HSPG2: variants seen among roughly 807,000 people sequenced by gnomAD.
HSPG2 encodes the protein heparan sulfate proteoglycan 2.
Under a neutral mutation model 526.6 loss-of-function variants are expected in HSPG2, and 278 were observed. That is an observed-to-expected ratio of 0.53 (90% CI 0.48 to 0.58). The LOEUF (loss-of-function observed/expected upper bound fraction) is 0.58. HSPG2 is among the 20% of genes least tolerant of loss of function. The pLI, the probability that HSPG2 is intolerant of heterozygous loss-of-function variation, is 0.00. For missense variants in HSPG2, 5,354 were observed against 6,099.5 expected, an observed-to-expected ratio of 0.88 and a Z score of 4.07; for synonymous variants, 2,465 against 2,555.4, an observed-to-expected ratio of 0.96 and a Z score of 1.07.
chr1:21,843,588 C>G, intron 65 of HSPG2, 150 bp from the exon 66 acceptor site: 1 of 758,224 alleles, frequency 1.3e-6, no homozygotes, highest in South Asian at 1.9e-5. Context: ...TTGTGGAGGG[C>G]ATGTTTATTA....
rs748304855 is a variant in HSPG2 at position 21,875,743 on chromosome 1, G to A, written c.3188C>T (p.Ala1063Val). 1.9e-6 allele frequency: 3 copies of A among 1,605,696 alleles called. No homozygotes were observed. The highest frequency in any genetic ancestry group is 2.2e-5 in the South Asian group (2 of 91,088). The change falls in exon 25 of 97, where the codon GCA becomes GTA. Residue 1063 changes from alanine to valine, a missense_variant. Transcript: ENST00000374695. ...STFIVPFREQAWQRPDGQPAT... is the reference protein window; with the variant it reads ...STFIVPFREQVWQRPDGQPAT... ...TGGCTGCCCATCGGGCCGCTGCCAT[G>A]CTTGCTGCCAAGGAGAGGACACATG... is the stretch of plus-strand genomic sequence containing the variant.
intron 3 of HSPG2, among the ~76,000 whole-genome samples, chr1:21,894,736 A>T (rs1002723004): frequency 6.6e-6 from 1 of 152,170 alleles, no homozygotes; most frequent in Admixed American, 6.5e-5. Context: ...GGGTGATCTC[A>T]GAGGCAAGCC....
rs934525293 is a variant in HSPG2 at position 21,862,476 on chromosome 1, C to G, written c.4741-361G>C. On this transcript the variant is annotated intron_variant, in intron 37 of 96. Coordinates refer to ENST00000374695, the MANE Select transcript of HSPG2 (RefSeq NM_005529.7). ...GTGTGCGTCTGTAGTCCCAGCTACT[C>G]AGGAGGCTGAGGCAGGAGAGTTGCT... Among the ~76,000 whole-genome samples the G allele has an allele frequency of 2.7e-5, 4 of 150,312 alleles. No individual in the cohort carries two copies. The Admixed American group carries it at 2.7e-4, about 10-fold the overall frequency.
chr1:21,824,410 A>G lies in HSPG2; in HGVS notation c.12745-34T>C. On this transcript the variant is annotated intron_variant, in intron 93 of 96. Transcript: ENST00000374695. This position sits in a 1 kb window ranked among gnomAD's most constrained non-coding sequence, Gnocchi z 5.9. The stretch of plus-strand genomic sequence containing the variant: ...GAAGCACAGGGTCTCTGGGGTCCCC[A>G]GCCTGGAGAGCAGAGGCTGCCGAGG... The G allele has an allele frequency of 6.2e-7, 1 of 1,611,892 alleles. No homozygotes were observed. Among genetic ancestry groups the G allele is most frequent in the Non-Finnish European group, 8.5e-7 (1 of 1,178,536 alleles).
intron 1 of HSPG2, among the ~76,000 whole-genome samples, chr1:21,932,498 A>T (rs1385601974): frequency 2.0e-5 from 3 of 152,254 alleles, no homozygotes; most frequent in Non-Finnish European, 2.9e-5. Flanking sequence ...CTAAGCATAC[A>T]GCAGTGAACA....
At chr1:21,926,569 C>G (rs4989428) in intron 1 of HSPG2, among the ~76,000 whole-genome samples, 1 of 151,706 alleles carries the variant, frequency 6.6e-6, no homozygotes, top group African/African-American at 2.4e-5. Context: ...CCTGGCCAAC[C>G]TGGTGAAAGC....
chr1:21,860,138 T>G, intron 40 of HSPG2, 39 bp downstream of exon 40: 3 of 1,611,996 alleles, frequency 1.9e-6, no homozygotes. Flanking sequence ...GCTCCCTGCC[T>G]TGCCCATCGT....
chr1:21,913,105 T>C (rs1643756973), intron 1 of HSPG2, among the ~76,000 whole-genome samples: 1 of 152,182 alleles, frequency 6.6e-6, no homozygotes. Context: ...ACCCAGCCTC[T>C]TGGTTCCTAA....
At position 21,857,343 on chromosome 1, in the gene HSPG2, C is replaced by T. The variant is rs745553645; in HGVS notation, c.5336G>A (p.Arg1779Gln). Reference sequence around the variant, plus strand: ...AGCTCCGGGGCGCACGCTCTGGCTCCGCTGCTCCTCCACAGTCACTGTGAT... The same window carrying T: ...AGCTCCGGGGCGCACGCTCTGGCTCTGCTGCTCCTCCACAGTCACTGTGAT... ...KPITVTVEEQRSQSVRPGADV... is the reference protein window; with the variant it reads ...KPITVTVEEQQSQSVRPGADV... The change falls in exon 43 of 97, where the codon CGG (arginine) becomes CAG (glutamine). Residue 1779 changes from arginine (R) to glutamine (Q), a missense_variant. Physicochemically the swap from Arg to Gln is conservative, Grantham distance 43. Coordinates refer to ENST00000374695, the MANE Select transcript of HSPG2 (RefSeq NM_005529.7). 14 of 1,613,918 alleles carry T rather than the reference C, an allele frequency of 8.7e-6. No homozygotes were observed. Among genetic ancestry groups the T allele is most frequent in the East Asian group, 4.5e-5 (2 of 44,890 alleles).
In HSPG2 at chr1:21,898,705, G is replaced by A. The variant is rs151093925; in HGVS notation, c.64-2395C>T. 2.0e-5 allele frequency among the ~76,000 whole-genome samples: 3 copies of A among 152,362 alleles called. No homozygotes were observed. Among genetic ancestry groups the A allele is most frequent in the Admixed American group, 1.3e-4 (2 of 15,306 alleles). ...CCAACGTGGGTATGAGGCTGGGGCT[G>A]GTGCAGGGGCACTGACTCTGGTTAG... On this transcript the variant is annotated intron_variant, in intron 1 of 96. Transcript: ENST00000374695. The surrounding 1 kb of genome is among the most constrained non-coding windows in gnomAD (Gnocchi z 4.0).
At position 21,878,505 on chromosome 1, in the gene HSPG2, G is replaced by C; in HGVS notation, c.2559-14C>G. 1.2e-6 allele frequency: 2 copies of C among 1,613,408 alleles called. No homozygotes were observed. The highest frequency in any genetic ancestry group is 1.7e-6 in the Non-Finnish European group (2 of 1,179,766). On this transcript the variant is annotated splice_polypyrimidine_tract_variant and intron_variant, in intron 19 of 96. Coordinates refer to ENST00000374695, the MANE Select transcript of HSPG2 (RefSeq NM_005529.7). ...CCGGGGGCACAGCTAGGGGAGAGAG[G>C]GGGCCGCCATCAGCACTTCCATGAC...
chr1:21,937,119 G>GCCCCCGC (rs1199329719), intron 1 of HSPG2, 36 bp downstream of exon 1: 15 of 59,714 alleles, frequency 2.5e-4, no homozygotes, highest in East Asian at 1.5e-3. Flanking sequence ...TAGCCCCTCC[G>GCCCCCGC]CCCCCGCCCC....
At position 21,893,848 on chromosome 1, in the gene HSPG2, G is replaced by A. The variant is rs541802270; in HGVS notation, c.244+2074C>T. Reference sequence around the variant, plus strand: ...AATGAGAGAGAAAAGGTAAGACAAAGGTGAAGAAAAAGGCAGAGGGAAAAA... The same window carrying A: ...AATGAGAGAGAAAAGGTAAGACAAAAGTGAAGAAAAAGGCAGAGGGAAAAA... On this transcript the variant is annotated intron_variant, in intron 3 of 96. Coordinates refer to ENST00000374695, the MANE Select transcript of HSPG2 (RefSeq NM_005529.7). The surrounding 1 kb of genome is among the most constrained non-coding windows in gnomAD (Gnocchi z 4.3). Among the ~76,000 whole-genome samples the A allele has an allele frequency of 7.3e-5, 11 of 150,834 alleles. No individual in the cohort carries two copies. Among genetic ancestry groups the A allele is most frequent in the African/African-American group, 2.2e-4 (9 of 41,046 alleles).
Position 21,848,965 on chromosome 1 carries a change from C to CA in HSPG2, c.7512dup (p.Val2505CysfsTer21). 1 of 1,614,034 alleles carries CA rather than the reference C, an allele frequency of 6.2e-7. No homozygotes were observed. The highest frequency in any genetic ancestry group is 1.1e-5 in the South Asian group (1 of 91,090). On this transcript the variant is annotated frameshift_variant, in exon 58 of 97. Coordinates refer to ENST00000374695, the MANE Select transcript of HSPG2 (RefSeq NM_005529.7). LOFTEE classifies it high-confidence loss of function. The surrounding 1 kb of genome is among the most constrained non-coding windows in gnomAD (Gnocchi z 4.9). Reference sequence around the variant, plus strand: ...TCCTGGGTACCTGAGCTGCCGACCACACGGCACACGTACTCCCCTGAATCA... The same window carrying CA: ...TCCTGGGTACCTGAGCTGCCGACCACAACGGCACACGTACTCCCCTGAATCA...
intron 95 of HSPG2, 39 bp from the exon 96 acceptor site, chr1:21,823,758 C>A (rs777516965): frequency 2.6e-6 from 4 of 1,524,486 alleles, no homozygotes; most frequent in Non-Finnish European, 3.6e-6. Context: ...CCACAAACTT[C>A]CTGGTCCTCC....
chr1:21,885,238 A>T, intron 10 of HSPG2, 81 bp from the exon 11 acceptor site: 8 of 1,607,750 alleles, frequency 5.0e-6, no homozygotes, highest in Non-Finnish European at 5.1e-6. Flanking sequence ...GCTAGGAGGG[A>T]GAAGGGTGGA....
At chr1:21,850,833 T>A (rs1209838068) in intron 55 of HSPG2, among the ~76,000 whole-genome samples, 2 of 152,252 alleles carry the variant, frequency 1.3e-5, no homozygotes, top group Non-Finnish European at 2.9e-5. Context: ...CAATCAGTGG[T>A]ATCCTAAATT....
chr1:21,841,769 T>C (rs2152705800), intron 69 of HSPG2, 96 bp from the exon 70 acceptor site: 2 of 1,499,890 alleles, frequency 1.3e-6, no homozygotes, highest in Non-Finnish European at 1.8e-6. Context: ...ACTTCCCCAA[T>C]CCCTCCGGCC....
Position 21,836,785 on chromosome 1 carries a change from C to T in HSPG2, c.10355+17G>A, listed in dbSNP as rs764665455. 6 of 1,538,754 alleles carry T rather than the reference C, an allele frequency of 3.9e-6. No homozygotes were observed. The highest frequency in any genetic ancestry group is 1.4e-5 in the African/African-American group (1 of 73,222). On this transcript the variant is annotated intron_variant, in intron 75 of 96. Transcript: ENST00000374695. ...GCTATGCTGCCCAAGTCCAGTCCTG[C>T]CCCCGGCCCCACTCACCGGAGCACC...
Sources: allele counts gnomAD v4.1 joint callset (sites outside exome capture counted in the v4.1 genomes callset), GRCh38; gene constraint gnomAD v4.1.1; non-coding constraint Gnocchi (gnomAD v3.1); transcripts MANE v1.5; gene names NCBI Gene and HGNC (gene_info 2026-07-23, HGNC 2026-07-21).